HK2: variants seen among roughly 807,000 people sequenced by gnomAD.
HK2 encodes hexokinase 2.
HK2 carries 42 observed loss-of-function variants against 92.9 expected under a neutral mutation model. The observed-to-expected ratio is 0.45, with a 90% CI of 0.35 to 0.58. The LOEUF (loss-of-function observed/expected upper bound fraction) is 0.58, where lower values mean the gene tolerates loss of function less well. HK2 is among the 20% of genes least tolerant of loss of function. HK2 has a pLI of 0.00. For missense variants in HK2, 978 were observed against 1,245.1 expected (o/e 0.79, Z 3.23); for synonymous variants, 422 against 468.0 (o/e 0.90, Z 1.27).
chr2:74,882,411 G>C (rs1272345445), intron 12 of HK2, 172 bp downstream of exon 12: 2 of 321,828 alleles, frequency 6.2e-6, no homozygotes, highest in Non-Finnish European at 8.9e-6. Flanking sequence ...GGCTGGTGGA[G>C]GTTAAGTAGG....
At chr2:74,865,975 C>G (rs1163426660) in intron 2 of HK2, among the ~76,000 whole-genome samples, 1 of 152,112 alleles carries the variant, frequency 6.6e-6, no homozygotes, top group Non-Finnish European at 1.5e-5. Flanking sequence ...GATGAAGCAG[C>G]TGAGGCTCAG....
rs1689716654 is a variant in HK2 at position 74,892,959 on chromosome 2, G to A, written c.*2018G>A. The A allele has an allele frequency of 6.6e-6, 1 of 151,974 alleles. No homozygotes were observed. The highest frequency in any genetic ancestry group is 2.4e-5 in the African/African-American group (1 of 41,344). 9.4% of individuals were successfully genotyped at this position (151,974 alleles called of 1,614,324 possible). A position where few individuals can be genotyped will look rare whatever the true frequency, so the allele number is the denominator to read the frequency against. ...CATGTAGATTTTAGTTCACTAAAGG[G>A]TGCCCACAAAATAGAGATTAATTTT... On this transcript the variant is annotated 3_prime_UTR_variant, in exon 18 of 18. Coordinates refer to ENST00000290573, the MANE Select transcript of HK2 (RefSeq NM_000189.5).
At chr2:74,886,824 A>G (rs1689551986) in intron 15 of HK2, 151 bp downstream of exon 15, 3 of 837,840 alleles carry the variant, frequency 3.6e-6, no homozygotes, top group Non-Finnish European at 5.9e-6. Flanking sequence ...TGTCGAATGC[A>G]CCTGGAAAGT....
chr2:74,893,083 G>C lies in HK2; in HGVS notation c.*2142G>C, dbSNP rs3202369. On this transcript the variant is annotated 3_prime_UTR_variant, in exon 18 of 18. Coordinates refer to ENST00000290573, the MANE Select transcript of HK2 (RefSeq NM_000189.5). Reference sequence around the variant, plus strand: ...GATGTGTGTGTGTGTAGGTATTAAAGATGTGTTGTTGGTTTCCAAAAAGGA... The same window carrying C: ...GATGTGTGTGTGTGTAGGTATTAAACATGTGTTGTTGGTTTCCAAAAAGGA... 2.0e-5 allele frequency: 3 copies of C among 148,312 alleles called. No individual in the cohort carries two copies. Among genetic ancestry groups the C allele is most frequent in the Admixed American group, 6.7e-5 (1 of 14,860 alleles). The allele number at this position is 148,312 out of a possible 1,614,324, so 9.2% of individuals were successfully genotyped here.
rs1410495775 is a variant in HK2, at chr2:74,886,321, GT to G, written c.1964del (p.Val655GlyfsTer8). 1.2e-6 allele frequency: 2 copies of G among 1,614,082 alleles called. No homozygotes were observed. The highest frequency in any genetic ancestry group is 1.7e-6 in the Non-Finnish European group (2 of 1,180,052). ...EEFDLDVVAV[V>X]NDTVGTMMTC... is the part of the protein sequence containing the mutation. Reference sequence around the variant, plus strand: ...GTTTGACCTGGATGTGGTTGCTGTGGTGAACGACACAGTCGGAACTATGATG... The same window carrying G: ...GTTTGACCTGGATGTGGTTGCTGTGGGAACGACACAGTCGGAACTATGATG... On this transcript the variant is annotated frameshift_variant, in exon 14 of 18. Transcript: ENST00000290573. LOFTEE classifies it high-confidence loss of function.
chr2:74,890,366 T>C (rs1440272198), intron 17 of HK2, among the ~76,000 whole-genome samples: 1 of 152,244 alleles, frequency 6.6e-6, no homozygotes, highest in Non-Finnish European at 1.5e-5. Context: ...GGCTCTGATA[T>C]GAGGCTATGC....
At chr2:74,879,553 C>T (rs746716692) in intron 9 of HK2, among the ~76,000 whole-genome samples, 5 of 152,172 alleles carry the variant, frequency 3.3e-5, no homozygotes, top group Admixed American at 6.5e-5. Flanking sequence ...CGAGTGTGCA[C>T]GTGAATCACA....
chr2:74,887,818 T>TG (rs1689575149), intron 15 of HK2, 85 bp from the exon 16 acceptor site: 13 of 1,271,006 alleles, frequency 1.0e-5, no homozygotes, highest in Non-Finnish European at 1.4e-5. Flanking sequence ...GCTGATGCAC[T>TG]GGGGGTGACT....
chr2:74,855,707 G>A (rs147694065), intron 2 of HK2, among the ~76,000 whole-genome samples: 180 of 152,318 alleles, frequency 1.2e-3, no homozygotes, highest in Middle Eastern at 3.4e-3. Context: ...GGGAGTAAAT[G>A]CAAGGTTTTG....
intron 6 of HK2, 47 bp downstream of exon 6, chr2:74,873,990 G>A (rs778682662): frequency 3.5e-6 from 5 of 1,436,718 alleles, no homozygotes; most frequent in Non-Finnish European, 4.9e-6. Flanking sequence ...CAAGGGATGG[G>A]GGTGTGGGCT....
rs200608341 is a variant in HK2 at position 74,878,802 on chromosome 2, C to T, written c.1146C>T (p.Ser382=). The T allele has an allele frequency of 5.9e-5, 92 of 1,561,482 alleles. No homozygotes were observed. The highest frequency in any genetic ancestry group is 5.6e-4 in the East Asian group (23 of 41,358). The change falls in exon 9 of 18, where the codon TCC becomes TCT. Residue 382 remains serine, a synonymous_variant. Coordinates refer to ENST00000290573, the MANE Select transcript of HK2 (RefSeq NM_000189.5). ...TCTGCCAGATCGTGTCCACACGCTC[C>T]GCCAGCCTGTGCGCAGCCACCCTGG... ...HRICQIVSTR[S]ASLCAATLAA...
At chr2:74,843,291 C>A (rs1049967034) in intron 1 of HK2, among the ~76,000 whole-genome samples, 6 of 152,088 alleles carry the variant, frequency 3.9e-5, no homozygotes, top group Non-Finnish European at 8.8e-5. Context: ...TCCTGCTGAG[C>A]CCAGGGTGCC....
At position 74,886,493 on chromosome 2, in the gene HK2, C is replaced by T. The variant is rs138539339; in HGVS notation, c.2039C>T (p.Thr680Met). The T allele has an allele frequency of 1.5e-5, 24 of 1,613,760 alleles. No individual in the cohort carries two copies. Among genetic ancestry groups the T allele is most frequent in the African/African-American group, 9.4e-5 (7 of 74,804 alleles). Residue 680 changes from threonine (T) to methionine (M), a missense_variant, in exon 15 of 18, where the codon ACG becomes ATG. Physicochemically the swap from Thr to Met is moderately conservative, Grantham distance 81. Transcript: ENST00000290573. Reference protein sequence around the residue: ...PHCEVGLIVGTGSNACYMEEM... With the variant: ...PHCEVGLIVGMGSNACYMEEM... ...CCTGGTATCCTGTGATTGGCAGGCACGGGCAGCAATGCCTGCTACATGGAG... is the reference window on the plus strand; with the variant it reads ...CCTGGTATCCTGTGATTGGCAGGCATGGGCAGCAATGCCTGCTACATGGAG...
intron 13 of HK2, 92 bp from the exon 14 acceptor site, chr2:74,886,202 A>AT (rs1354781466): frequency 1.7e-5 from 16 of 916,590 alleles, no homozygotes; most frequent in East Asian, 1.7e-4. Flanking sequence ...TATGATATAT[A>AT]TTTTATATAC....
intron 12 of HK2, among the ~76,000 whole-genome samples, chr2:74,884,077 A>G (rs913914846): frequency 3.3e-4 from 50 of 152,224 alleles, no homozygotes; most frequent in Non-Finnish European, 6.6e-4. Context: ...ATTTTCAAGT[A>G]GATACTATCT....
rs182408056 is a variant in HK2, at chr2:74,882,952, T to G, written c.1839+713T>G. 2.7e-3 allele frequency among the ~76,000 whole-genome samples: 408 copies of G among 152,194 alleles called. 3 individuals are homozygous for G. The highest frequency in any genetic ancestry group is 9.2e-3 in the African/African-American group (384 of 41,538). ...CCCTGGCTCTTCTCTGGTCTCATCT[T>G]GCTTCTCACTCCTCTTCAGGTTACC... On this transcript the variant is annotated intron_variant, in intron 12 of 17. Transcript: ENST00000290573.
chr2:74,878,235 G>T (rs111241125), intron 8 of HK2, among the ~76,000 whole-genome samples: 1 of 152,174 alleles, frequency 6.6e-6, no homozygotes, highest in Non-Finnish European at 1.5e-5. Context: ...GGGCATCACC[G>T]CAGGGTTCAC....
At chr2:74,879,069 G>T in intron 9 of HK2, 148 bp downstream of exon 9, 1 of 755,256 alleles carries the variant, frequency 1.3e-6, no homozygotes, top group Non-Finnish European at 2.4e-6. Context: ...GTTCCCACCT[G>T]GGCAAGGGGG....
chr2:74,875,049 A>G (rs1869340), intron 7 of HK2, among the ~76,000 whole-genome samples: 36,329 of 152,080 alleles, frequency 0.24, 4,790 homozygotes, highest in African/African-American at 0.36. Flanking sequence ...TGAATATTGT[A>G]TTCTCCAGCC....
Sources: gnomAD v4.1 joint callset for allele counts (sites outside exome capture counted in the v4.1 genomes callset) on GRCh38, gnomAD v4.1.1 for gene constraint, MANE v1.5 for transcripts, NCBI Gene and HGNC (gene_info 2026-07-23, HGNC 2026-07-21) for gene names.